Variants in ROR2 observed in about 807,000 individuals in gnomAD.
The protein encoded by ROR2 is ROR family WNT receptor 2.
A neutral mutation model predicts 74.9 loss-of-function variants in ROR2; 33 were observed. That is an observed-to-expected ratio of 0.44 (90% CI 0.33 to 0.59). The LOEUF (loss-of-function observed/expected upper bound fraction) is 0.59, where lower values mean the gene tolerates loss of function less well. Ranked by LOEUF, ROR2 falls within the 20% of genes least tolerant of loss-of-function variation. ROR2 has a pLI of 0.02. For synonymous variants in ROR2, 586 were observed against 558.7 expected, an observed-to-expected ratio of 1.05 and a Z score of -0.69; for missense variants, 1,216 against 1,313.8, an observed-to-expected ratio of 0.93 and a Z score of 1.15.
rs140005165 is a variant in ROR2, at chr9:91,901,378, A to G, written c.97+48489T>C. ...TAGTTTACTAGTTGCCTCAAGTATA[A>G]TCAAACCAACAGTGTCCTTCCTCAC... On this transcript the variant is annotated intron_variant, in intron 1 of 8. Transcript: ENST00000375708. Among the ~76,000 whole-genome samples, 578 of 151,866 alleles carry G rather than the reference A, an allele frequency of 3.8e-3. 3 individuals are homozygous for G. Among genetic ancestry groups the G allele is most frequent in the Admixed American group, 7.6e-3 (116 of 15,244 alleles).
At chr9:91,846,087 CT>C (rs1828921420) in intron 1 of ROR2, among the ~76,000 whole-genome samples, 1 of 152,056 alleles carries the variant, frequency 6.6e-6, no homozygotes, top group South Asian at 2.1e-4. Flanking sequence ...CCCGGCTGGG[CT>C]TCTACAACAA....
At chr9:91,852,867 G>A (rs1270556698) in intron 1 of ROR2, among the ~76,000 whole-genome samples, 1 of 152,228 alleles carries the variant, frequency 6.6e-6, no homozygotes, top group Admixed American at 6.5e-5. Context: ...GGAGATTTCT[G>A]ACCTTCCCAC....
At chr9:91,757,671 C>G in intron 2 of ROR2, 112 bp from the exon 3 acceptor site, 1 of 1,165,852 alleles carries the variant, frequency 8.6e-7, no homozygotes, top group Non-Finnish European at 1.2e-6. Flanking sequence ...TTTTTGTCAC[C>G]TACTAAAATA....
At chr9:91,935,290 G>A (rs904923947) in intron 1 of ROR2, among the ~76,000 whole-genome samples, 5 of 152,196 alleles carry the variant, frequency 3.3e-5, no homozygotes, top group Admixed American at 6.5e-5. Flanking sequence ...CCTGCCCTGC[G>A]GGCTCCACAA....
rs921823527 is a variant in ROR2, at chr9:91,905,017, CCACA to C, written c.97+44846_97+44849del. 2.0e-5 allele frequency among the ~76,000 whole-genome samples: 3 copies of C among 150,342 alleles called. No individual in the cohort carries two copies. Among genetic ancestry groups the C allele is most frequent in the Non-Finnish European group, 4.4e-5 (3 of 67,618 alleles). On this transcript the variant is annotated intron_variant, in intron 1 of 8. Transcript: ENST00000375708. This position sits in a 1 kb window ranked among gnomAD's most constrained non-coding sequence, Gnocchi z 5.3. ...CACAACACATACCACACAACATATACCACACACAAAAACGTAACATATACGCAAA... is the reference window on the plus strand; with the variant it reads ...CACAACACATACCACACAACATATACCACAAAAACGTAACATATACGCAAA...
chr9:91,926,557 A>AAAAAAAAG (rs1831407138), intron 1 of ROR2, among the ~76,000 whole-genome samples: 1 of 152,026 alleles, frequency 6.6e-6, no homozygotes, highest in African/African-American at 2.4e-5. Context: ...AAAAAAAAAA[A>AAAAAAAAG]AAAGAAGACA....
At chr9:91,771,851 C>T (rs1367899580) in intron 2 of ROR2, among the ~76,000 whole-genome samples, 2 of 152,228 alleles carry the variant, frequency 1.3e-5, no homozygotes, top group Non-Finnish European at 2.9e-5. Flanking sequence ...AAAGGTAAAG[C>T]TGTCATATCA....
At chr9:91,907,535 TA>T (rs1300095344) in intron 1 of ROR2, among the ~76,000 whole-genome samples, 3 of 152,180 alleles carry the variant, frequency 2.0e-5, no homozygotes, top group Admixed American at 2.0e-4. Context: ...AAAAAGGTGA[TA>T]TTTTTAAAAG....
In ROR2 at chr9:91,950,047, G is replaced by A. The variant is rs566629992; in HGVS notation, c.-84C>T. The A allele has an allele frequency of 1.0e-5, 6 of 592,324 alleles. No homozygotes were observed. The highest frequency in any genetic ancestry group is 1.0e-4 in the African/African-American group (5 of 50,172). The allele number at this position is 592,324 out of a possible 1,614,324, so 36.7% of individuals were successfully genotyped here. On this transcript the variant is annotated 5_prime_UTR_variant, in exon 1 of 9. The change creates a new upstream start codon in the 5' untranslated region. Transcript: ENST00000375708. ...GCGCCACCACCCCTTTCTACGATGC[G>A]TCCGCTCCTCCTTCTCCCTGGCGCT...
intron 1 of ROR2, among the ~76,000 whole-genome samples, chr9:91,855,801 G>A (rs1327410472): frequency 6.6e-6 from 1 of 151,560 alleles, no homozygotes; most frequent in Non-Finnish European, 1.5e-5. Context: ...CCTCAGAGAG[G>A]AGGGACCAGG....
At chr9:91,820,619 G>A (rs990926273) in intron 1 of ROR2, among the ~76,000 whole-genome samples, 8 of 152,176 alleles carry the variant, frequency 5.3e-5, no homozygotes, top group African/African-American at 1.9e-4. Flanking sequence ...CAGTCAGTGG[G>A]TTATTACATA....
chr9:91,728,783 GTT>G (rs1334616220), intron 7 of ROR2, among the ~76,000 whole-genome samples: 1 of 152,098 alleles, frequency 6.6e-6, no homozygotes, highest in Non-Finnish European at 1.5e-5. Context: ...TCCTGCTCCT[GTT>G]TTTTTGGCAG....
intron 1 of ROR2, among the ~76,000 whole-genome samples, chr9:91,930,352 C>A (rs7048052): frequency 0.029 from 4,450 of 152,336 alleles, 103 homozygotes; most frequent in South Asian, 0.062. Context: ...TCTTTCCACG[C>A]ATTTACCCTG....
intron 1 of ROR2, among the ~76,000 whole-genome samples, chr9:91,866,795 C>A (rs552763711): frequency 1.3e-5 from 2 of 152,092 alleles, no homozygotes; most frequent in African/African-American, 4.8e-5. Flanking sequence ...AGCTACCATA[C>A]GCAGATACAG....
chr9:91,784,099 T>C lies in ROR2; in HGVS notation c.98-8281A>G, dbSNP rs1041437594. Among the ~76,000 whole-genome samples the C allele has an allele frequency of 5.9e-5, 9 of 152,248 alleles. No individual in the cohort carries two copies. The South Asian group carries it at 6.2e-4, about 11-fold the overall frequency. ...CTTGCATGTCCAGGAGACACCATGC[T>C]TGACCTGTCCACACCACAGCCCGGC... On this transcript the variant is annotated intron_variant, in intron 1 of 8. Coordinates refer to ENST00000375708, the MANE Select transcript of ROR2 (RefSeq NM_004560.4).
chr9:91,893,709 G>A (rs1830476208), intron 1 of ROR2, among the ~76,000 whole-genome samples: 1 of 152,086 alleles, frequency 6.6e-6, no homozygotes, highest in Non-Finnish European at 1.5e-5. Flanking sequence ...AACGGCCAGT[G>A]CCTCTCCCTC....
intron 1 of ROR2, among the ~76,000 whole-genome samples, chr9:91,781,335 C>A (rs1385699291): frequency 6.6e-6 from 1 of 152,260 alleles, no homozygotes; most frequent in Non-Finnish European, 1.5e-5. Context: ...TGTGCACCCA[C>A]TGTCCCACTT....
At chr9:91,892,840 TCA>T (rs1830455802) in intron 1 of ROR2, among the ~76,000 whole-genome samples, 1 of 152,150 alleles carries the variant, frequency 6.6e-6, no homozygotes, top group African/African-American at 2.4e-5. Context: ...TCCACCCGCC[TCA>T]GCCTCCCAAA....
intron 1 of ROR2, among the ~76,000 whole-genome samples, chr9:91,864,199 G>A (rs1829559071): frequency 6.6e-6 from 1 of 152,196 alleles, no homozygotes; most frequent in African/African-American, 2.4e-5. Flanking sequence ...CGACAGGAAA[G>A]GCCCCAGGAT....
Sources: allele counts gnomAD v4.1 joint callset (sites outside exome capture counted in the v4.1 genomes callset), GRCh38; gene constraint gnomAD v4.1.1; non-coding constraint Gnocchi (gnomAD v3.1); transcripts MANE v1.5; gene names NCBI Gene and HGNC (gene_info 2026-07-23, HGNC 2026-07-21).